The following ZNF710 variants were observed in gnomAD, a reference collection of about 807,000 sequenced individuals.
ZNF710 encodes zinc finger protein 710.
Under a neutral mutation model 50.6 loss-of-function variants are expected in ZNF710, and 13 were observed. The ratio of observed to expected loss-of-function variants is 0.26; its 90% CI spans 0.17 to 0.41. ZNF710 has a LOEUF of 0.41. Ranked by LOEUF, ZNF710 falls within the 10% of genes least tolerant of loss-of-function variation. The probability of loss-of-function intolerance (pLI) is 1.00; values close to 1 mark genes in which losing one functional copy is unlikely to be tolerated. For missense variants in ZNF710, 721 were observed against 936.6 expected, an observed-to-expected ratio of 0.77 and a Z score of 3.01; for synonymous variants, 383 against 397.0, an observed-to-expected ratio of 0.96 and a Z score of 0.42.
chr15:90,008,844 A>G (rs1171531181), intron 1 of ZNF710, among the ~76,000 whole-genome samples: 1 of 152,078 alleles, frequency 6.6e-6, no homozygotes, highest in Admixed American at 6.6e-5. Context: ...TATTAAATAC[A>G]TATGCTCTAT....
chr15:90,015,740 C>T (rs1343190754), intron 1 of ZNF710, among the ~76,000 whole-genome samples: 2 of 152,006 alleles, frequency 1.3e-5, no homozygotes, highest in Non-Finnish European at 2.9e-5. Context: ...GGAACACAGG[C>T]GCATGCCCGT....
At chr15:90,027,399 G>A (rs918814861) in intron 1 of ZNF710, among the ~76,000 whole-genome samples, 3 of 151,888 alleles carry the variant, frequency 2.0e-5, no homozygotes, top group Non-Finnish European at 4.4e-5. Flanking sequence ...TAGTAGAGAC[G>A]GGGTTTCACC....
intron 1 of ZNF710, among the ~76,000 whole-genome samples, chr15:90,037,950 G>A (rs1025710512): frequency 2.6e-5 from 4 of 152,230 alleles, no homozygotes; most frequent in Non-Finnish European, 5.9e-5. Context: ...AAGAGGCAGT[G>A]AGGGTCTGGT....
rs142756406 is a variant in ZNF710, at chr15:90,041,561, C to T, written c.-28-25549C>T. Among the ~76,000 whole-genome samples the T allele has an allele frequency of 4.6e-3, 703 of 152,306 alleles. 5 individuals carry two copies. The highest frequency in any genetic ancestry group is 7.4e-3 in the Non-Finnish European group (506 of 68,024). ...TGTTCACTTTAATATATTAAAATAA[C>T]TCCATGCCACCTCCTCTGAAAGAGC... On this transcript the variant is annotated intron_variant, in intron 1 of 4. Coordinates refer to ENST00000268154, the MANE Select transcript of ZNF710 (RefSeq NM_198526.4).
chr15:90,047,472 C>G (rs773004493), intron 1 of ZNF710, among the ~76,000 whole-genome samples: 2 of 152,198 alleles, frequency 1.3e-5, no homozygotes, highest in Non-Finnish European at 2.9e-5. Flanking sequence ...TGCTTCAAAA[C>G]CTGGTGGGGT....
intron 1 of ZNF710, among the ~76,000 whole-genome samples, chr15:90,047,350 G>T (rs1899496058): frequency 1.3e-5 from 2 of 152,206 alleles, no homozygotes; most frequent in African/African-American, 4.8e-5. Context: ...AACTGGTGAG[G>T]CAGGTGCTCT....
At chr15:90,003,651 A>C (rs1003498456) in intron 1 of ZNF710, among the ~76,000 whole-genome samples, 4 of 152,222 alleles carry the variant, frequency 2.6e-5, no homozygotes, top group African/African-American at 7.2e-5. Context: ...CGATGGGGCT[A>C]TCTGGTTTTG....
At chr15:90,032,422 G>T (rs1270815785) in intron 1 of ZNF710, among the ~76,000 whole-genome samples, 6 of 152,190 alleles carry the variant, frequency 3.9e-5, no homozygotes, top group African/African-American at 1.2e-4. Context: ...TTTTAAGAGA[G>T]AGGAGAGGCA....
At chr15:90,025,189 G>C (rs1288201516) in intron 1 of ZNF710, 3 of 152,118 alleles carry the variant, frequency 2.0e-5, no homozygotes, top group African/African-American at 7.2e-5. Flanking sequence ...CCAGAGCCAG[G>C]GTGACCGGGT....
At chr15:90,058,721 A>ATATATATATATGTATGTATG (rs1567236953) in intron 1 of ZNF710, among the ~76,000 whole-genome samples, 1 of 144,576 alleles carries the variant, frequency 6.9e-6, no homozygotes, top group African/African-American at 2.9e-5. Context: ...ATATATATAC[A>ATATATATATATGTATGTATG]CACATATACA....
intron 1 of ZNF710, among the ~76,000 whole-genome samples, chr15:90,018,818 C>G (rs574258691): frequency 6.6e-6 from 1 of 152,130 alleles, no homozygotes; most frequent in African/African-American, 2.4e-5. Context: ...ATTTCCCTGT[C>G]CTGGAAACCA....
intron 1 of ZNF710, among the ~76,000 whole-genome samples, chr15:90,015,617 C>T (rs1448011213): frequency 2.1e-5 from 3 of 142,072 alleles, no homozygotes; most frequent in Admixed American, 7.2e-5. Flanking sequence ...TTTTTTGAGA[C>T]GGGGTCTTGC....
chr15:90,063,902 C>T (rs1283086186), intron 1 of ZNF710, among the ~76,000 whole-genome samples: 3 of 152,186 alleles, frequency 2.0e-5, no homozygotes, highest in Non-Finnish European at 4.4e-5. Context: ...CTGACATCCT[C>T]ATCTCACTGT....
rs1042976013 is a variant in ZNF710 at position 90,040,437 on chromosome 15, G to A, written c.-28-26673G>A. 2.0e-5 allele frequency among the ~76,000 whole-genome samples: 3 copies of A among 151,396 alleles called. No individual in the cohort carries two copies. Among genetic ancestry groups the A allele is most frequent in the African/African-American group, 7.3e-5 (3 of 41,176 alleles). On this transcript the variant is annotated intron_variant, in intron 1 of 4. Transcript: ENST00000268154. The surrounding 1 kb of genome is among the most constrained non-coding windows in gnomAD (Gnocchi z 4.6). ...TCTTCCACCCAAATGTGTCACCTTGGGCAGCAGCTCCCTGAATTCTGTTCT... is the reference window on the plus strand; with the variant it reads ...TCTTCCACCCAAATGTGTCACCTTGAGCAGCAGCTCCCTGAATTCTGTTCT...
upstream of ZNF710, among the ~76,000 whole-genome samples, chr15:90,000,992 A>G (rs1248120131): frequency 6.6e-6 from 1 of 152,190 alleles, no homozygotes; most frequent in Non-Finnish European, 1.5e-5. Context: ...AGGAGAAAAA[A>G]AAAAGAGAGA....
intron 1 of ZNF710, among the ~76,000 whole-genome samples, chr15:90,064,333 A>G (rs1900103921): frequency 6.6e-6 from 1 of 152,222 alleles, no homozygotes; most frequent in Non-Finnish European, 1.5e-5. Flanking sequence ...TTTAGCGGCT[A>G]TTTATTGTAC....
chr15:90,075,448 G>A (rs899790454), intron 4 of ZNF710: 1 of 152,206 alleles, frequency 6.6e-6, no homozygotes, highest in Admixed American at 6.5e-5. Context: ...CTTGAGCCCA[G>A]GAGTTCAAGG....
chr15:90,046,189 C>T (rs114016353), intron 1 of ZNF710, among the ~76,000 whole-genome samples: 165 of 152,294 alleles, frequency 1.1e-3, no homozygotes, highest in African/African-American at 3.9e-3. Flanking sequence ...GGTGTGCTGG[C>T]ACAAGCCATC....
chr15:90,071,227 C>G (rs1900370568), intron 2 of ZNF710, among the ~76,000 whole-genome samples: 1 of 149,838 alleles, frequency 6.7e-6, no homozygotes, highest in Non-Finnish European at 1.5e-5. Flanking sequence ...TGCCGCTGTA[C>G]TCTAGCCTGG....
Sources: allele counts gnomAD v4.1 joint callset (sites outside exome capture counted in the v4.1 genomes callset), GRCh38; gene constraint gnomAD v4.1.1; non-coding constraint Gnocchi (gnomAD v3.1); transcripts MANE v1.5; gene names NCBI Gene and HGNC (gene_info 2026-07-23, HGNC 2026-07-21).